The following ZCCHC2 variants were observed in gnomAD, a reference collection of about 807,000 sequenced individuals.
ZCCHC2 encodes the protein zinc finger CCHC domain-containing protein 2.
A neutral mutation model predicts 103.6 loss-of-function variants in ZCCHC2; 39 were observed. That is an observed-to-expected ratio of 0.38 (90% CI 0.29 to 0.49). The LOEUF (loss-of-function observed/expected upper bound fraction) is 0.49. Ranked by LOEUF, ZCCHC2 falls within the 20% of genes least tolerant of loss-of-function variation. ZCCHC2 has a pLI of 0.96. For synonymous variants in ZCCHC2, 687 were observed against 608.9 expected, an observed-to-expected ratio of 1.13 and a Z score of -1.89; for missense variants, 1,483 against 1,491.0, an observed-to-expected ratio of 0.99 and a Z score of 0.09.
At chr18:62,569,123 G>T (rs1206007683) in intron 11 of ZCCHC2, among the ~76,000 whole-genome samples, 1 of 152,152 alleles carries the variant, frequency 6.6e-6, no homozygotes, top group Non-Finnish European at 1.5e-5. Context: ...CATTCCTAAT[G>T]ACTTTATTTT....
chr18:62,558,637 CTTTAT>C (rs1454344970), intron 6 of ZCCHC2, 45 bp from the exon 7 acceptor site: 3 of 1,113,114 alleles, frequency 2.7e-6, no homozygotes, highest in Non-Finnish European at 3.7e-6. Context: ...TATTTGTTTT[CTTTAT>C]TTTAATTTTC....
At chr18:62,545,114 G>A (rs751657995) in intron 4 of ZCCHC2, among the ~76,000 whole-genome samples, 5 of 152,256 alleles carry the variant, frequency 3.3e-5, no homozygotes, top group East Asian at 3.9e-4. Context: ...GACCGGGTGC[G>A]GTGGTGTGCA....
chr18:62,578,323 A>C lies in ZCCHC2; in HGVS notation c.*1744A>C, dbSNP rs1312154406. On this transcript the variant is annotated 3_prime_UTR_variant, in exon 14 of 14. Transcript: ENST00000269499. ...TTGTTAAGCTGCAGTTGAGTTGTTCAAGTGAGAGTTTTGATAAGCCACTTA... is the reference window on the plus strand; with the variant it reads ...TTGTTAAGCTGCAGTTGAGTTGTTCCAGTGAGAGTTTTGATAAGCCACTTA... The C allele has an allele frequency of 6.6e-6, 1 of 152,664 alleles. No individual in the cohort carries two copies. Among genetic ancestry groups the C allele is most frequent in the Non-Finnish European group, 1.5e-5 (1 of 68,040 alleles). The allele number at this position is 152,664 out of a possible 1,614,324, so 9.5% of individuals were successfully genotyped here.
At chr18:62,586,721 C>G (rs1195031279) in exon 15 of ZCCHC2, 1 of 152,120 alleles carries the variant, frequency 6.6e-6, no homozygotes, top group African/African-American at 2.4e-5. Context: ...AGTGCATTAG[C>G]ACACGGTCGT....
chr18:62,531,306 G>GC (rs1359853868), intron 1 of ZCCHC2, among the ~76,000 whole-genome samples: 1 of 152,172 alleles, frequency 6.6e-6, no homozygotes, highest in Non-Finnish European at 1.5e-5. Context: ...GCCTGGCTGG[G>GC]CCGGGGGTAG....
chr18:62,533,397 C>T (rs546823436), intron 1 of ZCCHC2, among the ~76,000 whole-genome samples: 21 of 151,110 alleles, frequency 1.4e-4, no homozygotes, highest in African/African-American at 4.9e-4. Flanking sequence ...GTGTAGTGGG[C>T]GCCTGTAATC....
chr18:62,575,451 G>C lies in ZCCHC2; in HGVS notation c.3370G>C (p.Gly1124Arg), dbSNP rs776305324. The change falls in exon 13 of 14, where the codon GGG (glycine) becomes CGG (arginine). Residue 1124 changes from glycine (G) to arginine (R), a missense_variant. Transcript: ENST00000269499. ...PNVVANTSGS[G>R]PKKNGNVSCY... ...CGTAGTTGCCAACACCAGTGGTTCG[G>C]GGCCCAAGAAGAATGGGAATGTCTC... 6.2e-7 allele frequency: 1 copy of C among 1,614,000 alleles called. No individual in the cohort carries two copies.
chr18:62,523,625 C>T lies in ZCCHC2; in HGVS notation c.201C>T (p.Leu67=). 8.2e-7 allele frequency: 1 copy of T among 1,216,338 alleles called. No individual in the cohort carries two copies. Among genetic ancestry groups the T allele is most frequent in the East Asian group, 3.3e-5 (1 of 29,940 alleles). The allele number at this position is 1,216,338 out of a possible 1,614,324, so 75.3% of individuals were successfully genotyped here. The change falls in exon 1 of 14, where the codon CTC becomes CTT. Residue 67 remains leucine (L), a synonymous_variant. Transcript: ENST00000269499. ...PLPPPPPPRG[L]GPPVAGGAAA... is the part of the protein sequence containing the mutation. ...CGCCGCCGCCGCCGCCCCGGGGACTCGGGCCGCCTGTTGCTGGTGGAGCGG... is the reference window on the plus strand; with the variant it reads ...CGCCGCCGCCGCCGCCCCGGGGACTTGGGCCGCCTGTTGCTGGTGGAGCGG...
At chr18:62,541,221 C>T (rs1048624816) in intron 2 of ZCCHC2, among the ~76,000 whole-genome samples, 11 of 152,178 alleles carry the variant, frequency 7.2e-5, no homozygotes, top group African/African-American at 1.9e-4. Context: ...TGAGATTTTC[C>T]GTTGTTTCCA....
chr18:62,565,057 C>T lies in ZCCHC2; in HGVS notation c.1807C>T (p.Leu603Phe), dbSNP rs1227807386. 1 of 1,613,470 alleles carries T rather than the reference C, an allele frequency of 6.2e-7. No homozygotes were observed. Among genetic ancestry groups the T allele is most frequent in the Non-Finnish European group, 8.5e-7 (1 of 1,179,640 alleles). The change falls in exon 11 of 14, where the codon CTC becomes TTC. Residue 603 changes from leucine to phenylalanine, a missense_variant. Around this residue, in one of 3 missense-constraint regions of ZCCHC2, gnomAD observed 884 missense variants for 907.5 expected, o/e 0.97. Transcript: ENST00000269499. ...RLNSRINGIR[L>F]STPQHAHGGT... ...GAATAGTAGAATAAATGGTATTAGA[C>T]TCTCCACTCCTCAGCATGCCCATGG...
chr18:62,558,967 A>C (rs1360024128), intron 7 of ZCCHC2, among the ~76,000 whole-genome samples, 197 bp downstream of exon 7: 1 of 152,268 alleles, frequency 6.6e-6, no homozygotes, highest in Non-Finnish European at 1.5e-5. Context: ...GTGTGTGGAC[A>C]AAGAATAGAC....
In ZCCHC2 at chr18:62,576,918, C is replaced by CT. The variant is rs137906803; in HGVS notation, c.*347dup. ...GAATCTTTAAAACTGTGTATTTGAC[C>CT]TTTTTTTTACAACACTGGTGACAGT... is the stretch of plus-strand genomic sequence containing the variant. On this transcript the variant is annotated 3_prime_UTR_variant, in exon 14 of 14. Transcript: ENST00000269499. 8.4e-5 allele frequency: 14 copies of CT among 167,648 alleles called. No homozygotes were observed. The highest frequency in any genetic ancestry group is 4.4e-4 in the Admixed American group (7 of 15,978). 10.4% of individuals were successfully genotyped at this position (167,648 alleles called of 1,614,324 possible).
rs368089244 is a variant in ZCCHC2, at chr18:62,574,959, G to T, written c.2878G>T (p.Ala960Ser). 6 of 1,613,836 alleles carry T rather than the reference G, an allele frequency of 3.7e-6. No homozygotes were observed. Among genetic ancestry groups the T allele is most frequent in the Non-Finnish European group, 5.1e-6 (6 of 1,179,884 alleles). The change falls in exon 13 of 14, where the codon GCA becomes TCA. Residue 960 changes from alanine (A) to serine (S), a missense_variant. Physicochemically the swap from Ala to Ser is moderately conservative, Grantham distance 99. Coordinates refer to ENST00000269499, the MANE Select transcript of ZCCHC2 (RefSeq NM_017742.6). ...CCAGGCCCAGGCAACTGTTCCTCCT[G>T]CAGTTCCTACCCACACCCCAGGCCC... Reference protein sequence around the residue: ...ISQAQATVPPAVPTHTPGPAP... With the variant: ...ISQAQATVPPSVPTHTPGPAP...
chr18:62,539,381 G>A, intron 1 of ZCCHC2: 1 of 258,260 alleles, frequency 3.9e-6, no homozygotes. Flanking sequence ...TAGTGTAAAG[G>A]GCACCATTTG....
At chr18:62,545,130 G>T (rs1337173295) in intron 4 of ZCCHC2, among the ~76,000 whole-genome samples, 3 of 152,086 alleles carry the variant, frequency 2.0e-5, no homozygotes, top group Non-Finnish European at 4.4e-5. Flanking sequence ...GTGCACCTGT[G>T]ATCCCAGCAC....
chr18:62,565,156 AC>A, intron 11 of ZCCHC2, 60 bp downstream of exon 11: 1 of 1,263,004 alleles, frequency 7.9e-7, no homozygotes, highest in Non-Finnish European at 1.1e-6. Flanking sequence ...CATGATACTT[AC>A]TGTATTAATA....
chr18:62,584,418 T>A (rs572794144), intron 14 of ZCCHC2: 1 of 152,286 alleles, frequency 6.6e-6, no homozygotes, highest in East Asian at 1.9e-4. Context: ...TGGGTGGTTC[T>A]TCATTGTTTT....
chr18:62,542,641 G>C, intron 3 of ZCCHC2, 67 bp downstream of exon 3: 1 of 1,377,082 alleles, frequency 7.3e-7, no homozygotes, highest in Admixed American at 2.2e-5. Flanking sequence ...AAAACTTGTG[G>C]CAGGTTTGCT....
intron 4 of ZCCHC2, among the ~76,000 whole-genome samples, chr18:62,546,909 T>C (rs1915438398): frequency 6.6e-6 from 1 of 152,244 alleles, no homozygotes; most frequent in East Asian, 1.9e-4. Context: ...TATAAATGCC[T>C]CTCAGTTACA....
Sources: gnomAD v4.1 joint callset for allele counts (sites outside exome capture counted in the v4.1 genomes callset) on GRCh38, gnomAD v4.1.1 for gene constraint, gnomAD v4.1.1 regional missense constraint, MANE v1.5 for transcripts, NCBI Gene and HGNC (gene_info 2026-07-23, HGNC 2026-07-21) for gene names.